The following VPS28 variants were observed in gnomAD, a reference collection of about 807,000 sequenced individuals.
The protein encoded by VPS28 is vacuolar protein sorting-associated protein 28 homolog.
In VPS28, 29 loss-of-function variants were observed where a neutral mutation model predicts 33.7. That is an observed-to-expected ratio of 0.86 (90% CI 0.64 to 1.17). VPS28 has a LOEUF of 1.17. VPS28 is among the 50% of genes most tolerant of loss of function. The probability of loss-of-function intolerance (pLI) is 0.00; values close to 1 mark genes in which losing one functional copy is unlikely to be tolerated. For missense variants in VPS28, 247 were observed against 312.2 expected (o/e 0.79, Z 1.57); for synonymous variants, 164 against 116.7 (o/e 1.40, Z -2.61).
At position 144,424,897 on chromosome 8, in the gene VPS28, C is replaced by T. The variant is rs782020130; in HGVS notation, c.300+49G>A. 8.1e-6 allele frequency: 13 copies of T among 1,610,882 alleles called. No homozygotes were observed. The Admixed American group carries it at 1.3e-4, about 17-fold the overall frequency. ...GCCAGAGCCCTCTGGCACCCCATAC[C>T]CATGCCCGACAGTCTCGCCCCATGG... On this transcript the variant is annotated intron_variant, in intron 6 of 9. Coordinates refer to ENST00000292510, the MANE Select transcript of VPS28 (RefSeq NM_016208.4).
chr8:144,427,782 T>C (rs1822885169), intron 1 of VPS28, among the ~76,000 whole-genome samples: 1 of 152,224 alleles, frequency 6.6e-6, no homozygotes, highest in Non-Finnish European at 1.5e-5. Context: ...GCTCCAGACG[T>C]TCTCTCTTTG....
chr8:144,425,425 C>A (rs981061848), intron 5 of VPS28: 36 of 578,136 alleles, frequency 6.2e-5, no homozygotes, highest in Non-Finnish European at 9.6e-5. Flanking sequence ...AGCCTCTCGA[C>A]CGTTTTTTAA....
Position 144,424,724 on chromosome 8 carries a change from C to T in VPS28, c.396G>A (p.Val132=). 2 of 1,611,784 alleles carry T rather than the reference C, an allele frequency of 1.2e-6. No individual in the cohort carries two copies. Among genetic ancestry groups the T allele is most frequent in the Non-Finnish European group, 8.5e-7 (1 of 1,179,968 alleles). The part of the protein sequence containing the change: ...KGNLNRCIAD[V]VSLFITVMDK... ...CCTGGGGGCTGGGGCGCACCGAGACCACGTCTGCGATGCAGCGGTTGAGGT... is the reference window on the plus strand; with the variant it reads ...CCTGGGGGCTGGGGCGCACCGAGACTACGTCTGCGATGCAGCGGTTGAGGT... The change falls in exon 7 of 10, where the codon GTG becomes GTA. Residue 132 remains valine (V), a synonymous_variant. Coordinates refer to ENST00000292510, the MANE Select transcript of VPS28 (RefSeq NM_016208.4).
chr8:144,427,772 G>C (rs1336138974), intron 1 of VPS28, among the ~76,000 whole-genome samples: 1 of 152,262 alleles, frequency 6.6e-6, no homozygotes, highest in African/African-American at 2.4e-5. Flanking sequence ...AGCTGGGCCA[G>C]CTCCAGACGT....
intron 7 of VPS28, 170 bp downstream of exon 7, chr8:144,424,548 G>T: frequency 1.2e-6 from 1 of 851,608 alleles, no homozygotes; most frequent in Non-Finnish European, 1.8e-6. Flanking sequence ...AGGTGGCCTG[G>T]GGGCGTCCCC....
At chr8:144,424,405 C>G in intron 7 of VPS28, 137 bp from the exon 8 acceptor site, 1 of 1,200,656 alleles carries the variant, frequency 8.3e-7, no homozygotes. Flanking sequence ...CCCTGCAGGC[C>G]TCCTGGGTGA....
Position 144,424,316 on chromosome 8 carries a change from G to C in VPS28, c.403-48C>G, listed in dbSNP as rs781825091. 13 of 1,540,224 alleles carry C rather than the reference G, an allele frequency of 8.4e-6. No individual in the cohort carries two copies. In the East Asian group the frequency reaches 2.0e-4, roughly 24 times the overall value. On this transcript the variant is annotated intron_variant, in intron 7 of 9. Transcript: ENST00000292510. ...GGCTCGCGTGTCCACGGGTGCGGGA[G>C]GCCCCACGGCTCACGGGCCCCAACC...
chr8:144,424,442 G>A, intron 7 of VPS28, 174 bp from the exon 8 acceptor site: 1 of 926,920 alleles, frequency 1.1e-6, no homozygotes, highest in Non-Finnish European at 1.6e-6. Context: ...CCAGACAGCT[G>A]TGTGGGAACT....
chr8:144,426,738 G>A (rs1251470660), intron 2 of VPS28, 171 bp downstream of exon 2: 2 of 679,066 alleles, frequency 2.9e-6, no homozygotes, highest in South Asian at 1.9e-5. Flanking sequence ...TCTGTCTGGA[G>A]GTTTCTGAGC....
At chr8:144,426,474 GCCCAGCTC>G in intron 2 of VPS28, 1 of 495,970 alleles carries the variant, frequency 2.0e-6, no homozygotes, top group South Asian at 2.6e-5. Context: ...CGCATGACAG[GCCCAGCTC>G]CCCAGCTCCA....
chr8:144,428,237 G>A (rs1314406137), intron 1 of VPS28, among the ~76,000 whole-genome samples: 2 of 152,224 alleles, frequency 1.3e-5, no homozygotes, highest in Non-Finnish European at 2.9e-5. Flanking sequence ...GGAGCCAACC[G>A]CCCCAACCAC....
rs1554876741 is a variant in VPS28, at chr8:144,426,199, T to C, written c.47A>G (p.Asn16Ser). The C allele has an allele frequency of 3.7e-6, 6 of 1,605,124 alleles. No individual in the cohort carries two copies. The highest frequency in any genetic ancestry group is 3.4e-5 in the Admixed American group (2 of 58,812). The change falls in exon 3 of 10, where the codon AAC becomes AGC. Residue 16 changes from asparagine to serine, a missense_variant. Coordinates refer to ENST00000292510, the MANE Select transcript of VPS28 (RefSeq NM_016208.4). ...PATPGIGAPGNKPELYEEVKL... is the reference protein window; with the variant it reads ...PATPGIGAPGSKPELYEEVKL... ...ACTCACCTCATACAGCTCCGGCTTG[T>C]TCCCAGGGGCTGCAAGAGAAGGCAG...
At chr8:144,425,379 A>G in intron 5 of VPS28, 1 of 544,604 alleles carries the variant, frequency 1.8e-6, no homozygotes, top group Non-Finnish European at 3.3e-6. Flanking sequence ...CACTTCATTG[A>G]ACAAAGCCCC....
intron 1 of VPS28, chr8:144,427,220 A>C: frequency 6.6e-6 from 2 of 301,054 alleles, no homozygotes; most frequent in Non-Finnish European, 1.3e-5. Flanking sequence ...AATCGCTTGA[A>C]CCCAGGAGGT....
At chr8:144,428,207 G>A (rs1258533297) in intron 1 of VPS28, among the ~76,000 whole-genome samples, 1 of 152,228 alleles carries the variant, frequency 6.6e-6, no homozygotes, top group Admixed American at 6.5e-5. Flanking sequence ...TCACGGAGCC[G>A]CCAGGCAGGA....
chr8:144,424,240 C>T lies in VPS28; in HGVS notation c.431G>A (p.Arg144His), dbSNP rs782460982. The change falls in exon 8 of 10, where the codon CGT becomes CAT. Residue 144 changes from arginine to histidine, a missense_variant. Arg to His is a conservative substitution (Grantham distance 29, BLOSUM62 0). Transcript: ENST00000292510. ...CTCATCCATGGCGCGGATCTCCAGA[C>T]GCAGCTTGTCCATGACCGTGATGAA... ...SLFITVMDKL[R>H]LEIRAMDEIQ... 4.4e-6 allele frequency: 7 copies of T among 1,605,828 alleles called. No individual in the cohort carries two copies. Among genetic ancestry groups the T allele is most frequent in the Admixed American group, 1.7e-5 (1 of 59,194 alleles).
chr8:144,424,446 G>A, intron 7 of VPS28, 178 bp from the exon 8 acceptor site: 2 of 889,196 alleles, frequency 2.2e-6, no homozygotes, highest in Non-Finnish European at 3.3e-6. Context: ...ACAGCTGTGT[G>A]GGAACTGAAG....
chr8:144,424,867 A>G (rs1822616504), intron 6 of VPS28, 48 bp from the exon 7 acceptor site: 3 of 1,612,412 alleles, frequency 1.9e-6, no homozygotes, highest in Admixed American at 3.3e-5. Flanking sequence ...AGCAAGCCCC[A>G]GGTGGCCAGA....
rs1554876052 is a variant in VPS28 at position 144,424,229 on chromosome 8, G to A, written c.442C>T (p.Arg148Cys). Residue 148 changes from arginine (R) to cysteine (C), a missense_variant, in exon 8 of 10, where the codon CGC becomes TGC. Coordinates refer to ENST00000292510, the MANE Select transcript of VPS28 (RefSeq NM_016208.4). ...AATACCCGCACCTCATCCATGGCGC[G>A]GATCTCCAGACGCAGCTTGTCCATG... ...TVMDKLRLEI[R>C]AMDEIQPDLR... The A allele has an allele frequency of 3.1e-6, 5 of 1,605,868 alleles. No homozygotes were observed. Among genetic ancestry groups the A allele is most frequent in the Non-Finnish European group, 4.3e-6 (5 of 1,175,364 alleles).
Sources: gnomAD v4.1 joint callset for allele counts (sites outside exome capture counted in the v4.1 genomes callset) on GRCh38, gnomAD v4.1.1 for gene constraint, MANE v1.5 for transcripts, NCBI Gene and HGNC (gene_info 2026-07-23, HGNC 2026-07-21) for gene names.